ACTR1B: variants seen among roughly 807,000 people sequenced by gnomAD.
ACTR1B encodes the protein actin related protein 1B.
A neutral mutation model predicts 49.4 loss-of-function variants in ACTR1B; 34 were observed. That is an observed-to-expected ratio of 0.69 (90% confidence interval 0.52 to 0.92). ACTR1B has a LOEUF of 0.92. ACTR1B is among the 40% of genes least tolerant of loss of function. The pLI is 0.00. For synonymous variants in ACTR1B, 207 were observed against 207.8 expected (o/e 1.00, Z 0.03); for missense variants, 471 against 522.4 (o/e 0.90, Z 0.96).
In ACTR1B at chr2:97,659,238, A is replaced by G; in HGVS notation, c.315+114T>C. 6.5e-7 allele frequency: 1 copy of G among 1,532,406 alleles called. No homozygotes were observed. Among genetic ancestry groups the G allele is most frequent in the Non-Finnish European group, 8.9e-7 (1 of 1,128,058 alleles). The allele number at this position is 1,532,406 out of a possible 1,614,324, so 94.9% of individuals were successfully genotyped here. A position where few individuals can be genotyped will look rare whatever the true frequency, so the allele number is the denominator to read the frequency against. ...CGCACCCAGACACACACGGAAAGGC[A>G]GCAGGCCCTCTAGAAATGTAGAAGG... On this transcript the variant is annotated intron_variant, in intron 4 of 10. Transcript: ENST00000289228. The surrounding 1 kb of genome is among the most constrained non-coding windows in gnomAD (Gnocchi z 4.0).
intron 2 of ACTR1B, 149 bp from the exon 3 acceptor site, chr2:97,660,795 C>T (rs1312250681): frequency 1.2e-5 from 9 of 744,026 alleles, no homozygotes; most frequent in Admixed American, 2.2e-5. Flanking sequence ...GAACTGGGGC[C>T]TATGGGGTTC....
chr2:97,663,938 C>G lies in ACTR1B; in HGVS notation c.-48G>C, dbSNP rs1468822031. On this transcript the variant is annotated 5_prime_UTR_variant, in exon 1 of 11. Coordinates refer to ENST00000289228, the MANE Select transcript of ACTR1B (RefSeq NM_005735.4). ...CCAGCAGGCGGGCTGCAGGAGGCAC[C>G]GGATGGGCGGGCGGGCGGGAGGACC... 1.3e-5 allele frequency: 3 copies of G among 226,904 alleles called. No homozygotes were observed. The highest frequency in any genetic ancestry group is 7.7e-5 in the African/African-American group (3 of 39,170). 14.1% of individuals were successfully genotyped at this position (226,904 alleles called of 1,614,324 possible).
Position 97,656,450 on chromosome 2 carries a change from G to A in ACTR1B, c.*408C>T. On this transcript the variant is annotated 3_prime_UTR_variant, in exon 11 of 11. Coordinates refer to ENST00000289228, the MANE Select transcript of ACTR1B (RefSeq NM_005735.4). ...AACAGGAGGTGGCAATGGATGCAGTGACACACCAGTGGGAGCTGCTGGCTG... is the reference window on the plus strand; with the variant it reads ...AACAGGAGGTGGCAATGGATGCAGTAACACACCAGTGGGAGCTGCTGGCTG... 4 of 241,840 alleles carry A rather than the reference G, an allele frequency of 1.7e-5. No individual in the cohort carries two copies. Among genetic ancestry groups the A allele is most frequent in the Non-Finnish European group, 3.3e-5 (4 of 120,818 alleles). 15.0% of individuals were successfully genotyped at this position (241,840 alleles called of 1,614,324 possible). A position where few individuals can be genotyped will look rare whatever the true frequency, so the allele number is the denominator to read the frequency against.
chr2:97,659,172 C>G lies in ACTR1B; in HGVS notation c.316-169G>C, dbSNP rs1674944549. ...CAGTTACTCTTCCGGAGATCCGGCT[C>G]TCTTTGGAAGATTCTGCCTAGCAGC... On this transcript the variant is annotated intron_variant, in intron 4 of 10. Transcript: ENST00000289228. This position sits in a 1 kb window ranked among gnomAD's most constrained non-coding sequence, Gnocchi z 4.0. Among the ~76,000 whole-genome samples the G allele has an allele frequency of 2.0e-5, 3 of 152,200 alleles. No homozygotes were observed. The highest frequency in any genetic ancestry group is 7.2e-5 in the African/African-American group (3 of 41,444).
At chr2:97,663,755 GC>G in intron 1 of ACTR1B, 87 bp downstream of exon 1, 1 of 846,784 alleles carries the variant, frequency 1.2e-6, no homozygotes, top group Non-Finnish European at 1.5e-6. Context: ...CGGAGGACGC[GC>G]CGAGGCGGGC....
In ACTR1B at chr2:97,658,296, G is replaced by A. The variant is rs1674912268; in HGVS notation, c.678C>T (p.Ile226=). 6.2e-7 allele frequency: 1 copy of A among 1,614,202 alleles called. No homozygotes were observed. Among genetic ancestry groups the A allele is most frequent in the Non-Finnish European group, 8.5e-7 (1 of 1,180,038 alleles). Residue 226 remains isoleucine, a synonymous_variant, in exon 7 of 11, where the codon ATC becomes ATT. Transcript: ENST00000289228. The surrounding 1 kb of genome is among the most constrained non-coding windows in gnomAD (Gnocchi z 5.9). ...CCAGAGCCTCATCCTTCTGTGGGTT[G>A]ATGGACAGGTAGCACGCTCGCTGCG... ...TIKERACYLS[I]NPQKDEALET...
intron 2 of ACTR1B, 67 bp from the exon 3 acceptor site, chr2:97,660,713 G>A (rs1366564281): frequency 3.3e-6 from 5 of 1,500,938 alleles, no homozygotes; most frequent in South Asian, 1.1e-5. Context: ...CAGAAAAACC[G>A]AAATCCAACC....
rs1674851711 is a variant in ACTR1B, at chr2:97,656,722, C to T, written c.*136G>A. 1.4e-6 allele frequency: 1 copy of T among 694,588 alleles called. No homozygotes were observed. The highest frequency in any genetic ancestry group is 2.2e-5 in the Admixed American group (1 of 45,246). 43.0% of individuals were successfully genotyped at this position (694,588 alleles called of 1,614,324 possible). ...TAGAGGGGAAGGCTGCAGGGGGGCA[C>T]TGCTGTGCCACCCACCCAGGGGTTC... On this transcript the variant is annotated 3_prime_UTR_variant, in exon 11 of 11. Coordinates refer to ENST00000289228, the MANE Select transcript of ACTR1B (RefSeq NM_005735.4).
intron 2 of ACTR1B, 65 bp from the exon 3 acceptor site, chr2:97,660,711 C>A (rs2104504827): frequency 1.3e-6 from 2 of 1,523,546 alleles, no homozygotes; most frequent in Non-Finnish European, 1.8e-6. Flanking sequence ...TCCAGAAAAA[C>A]CGAAATCCAA....
At position 97,657,817 on chromosome 2, in the gene ACTR1B, A is replaced by T. The variant is rs569827247; in HGVS notation, c.925+126T>A. On this transcript the variant is annotated intron_variant, in intron 8 of 10. Coordinates refer to ENST00000289228, the MANE Select transcript of ACTR1B (RefSeq NM_005735.4). ...ATTTAATTTTAAATTTTGGTCTGTT[A>T]AAAAAAATGTTCATTGAGCACCACC... 5.1e-5 allele frequency: 59 copies of T among 1,157,056 alleles called. 1 individual carries two copies. In the South Asian group the frequency reaches 8.5e-4, roughly 17 times the overall value. 71.7% of individuals were successfully genotyped at this position (1,157,056 alleles called of 1,614,324 possible).
chr2:97,660,006 T>C, intron 3 of ACTR1B: 1 of 184,226 alleles, frequency 5.4e-6, no homozygotes. Context: ...ACTTAGCTCC[T>C]CTCACCACCT....
chr2:97,661,289 C>T (rs1422139258), intron 2 of ACTR1B, among the ~76,000 whole-genome samples: 1 of 152,232 alleles, frequency 6.6e-6, no homozygotes, highest in Non-Finnish European at 1.5e-5. Context: ...CCCTGCTGCC[C>T]GCTGCCTTTA....
At chr2:97,660,738 G>C in intron 2 of ACTR1B, 92 bp from the exon 3 acceptor site, 1 of 1,294,144 alleles carries the variant, frequency 7.7e-7, no homozygotes, top group Admixed American at 1.7e-5. Context: ...TCGCCCAGAG[G>C]GTACCTGGCC....
In ACTR1B at chr2:97,659,651, C is replaced by G. The variant is rs1376705579; in HGVS notation, c.190-174G>C. 3.4e-6 allele frequency: 3 copies of G among 869,732 alleles called. No homozygotes were observed. Among genetic ancestry groups the G allele is most frequent in the Admixed American group, 2.6e-5 (1 of 37,868 alleles). 53.9% of individuals were successfully genotyped at this position (869,732 alleles called of 1,614,324 possible). On this transcript the variant is annotated intron_variant, in intron 3 of 10. Coordinates refer to ENST00000289228, the MANE Select transcript of ACTR1B (RefSeq NM_005735.4). This position sits in a 1 kb window ranked among gnomAD's most constrained non-coding sequence, Gnocchi z 4.0. ...TGGCGGGTCCTGAACTCAGCATGGG[C>G]TCACCTGCCCACCAGCTTCTTAGGC...
chr2:97,659,776 A>C lies in ACTR1B; in HGVS notation c.190-299T>G. 4.4e-6 allele frequency: 2 copies of C among 459,672 alleles called. No individual in the cohort carries two copies. Among genetic ancestry groups the C allele is most frequent in the South Asian group, 5.0e-5 (2 of 40,130 alleles). The allele number at this position is 459,672 out of a possible 1,614,324, so 28.5% of individuals were successfully genotyped here. On this transcript the variant is annotated intron_variant, in intron 3 of 10. Transcript: ENST00000289228. The surrounding 1 kb of genome is among the most constrained non-coding windows in gnomAD (Gnocchi z 4.0). The stretch of plus-strand genomic sequence containing the variant: ...TCTTCCCCATTCTCACTGCCGGCAC[A>C]TCCCCCACATTCTCCTCACACTCTG...
chr2:97,660,025 A>G (rs1674969207), intron 3 of ACTR1B: 1 of 179,852 alleles, frequency 5.6e-6, no homozygotes, highest in African/African-American at 2.4e-5. Context: ...CTCGGCTCCT[A>G]CGGACCCCAT....
Position 97,663,943 on chromosome 2 carries a change from G to T in ACTR1B, c.-53C>A. 3 of 983,494 alleles carry T rather than the reference G, an allele frequency of 3.1e-6. No homozygotes were observed. Among genetic ancestry groups the T allele is most frequent in the South Asian group, 6.7e-5 (2 of 29,798 alleles). 60.9% of individuals were successfully genotyped at this position (983,494 alleles called of 1,614,324 possible). On this transcript the variant is annotated 5_prime_UTR_variant, in exon 1 of 11. Transcript: ENST00000289228. ...AGGCGGGCTGCAGGAGGCACCGGAT[G>T]GGCGGGCGGGCGGGAGGACCGGGAC...
At position 97,656,822 on chromosome 2, in the gene ACTR1B, T is replaced by C; in HGVS notation, c.*36A>G. 2 of 1,498,512 alleles carry C rather than the reference T, an allele frequency of 1.3e-6. No individual in the cohort carries two copies. The highest frequency in any genetic ancestry group is 2.4e-5 in the East Asian group (1 of 41,864). The allele number at this position is 1,498,512 out of a possible 1,614,324, so 92.8% of individuals were successfully genotyped here. On this transcript the variant is annotated 3_prime_UTR_variant, in exon 11 of 11. Coordinates refer to ENST00000289228, the MANE Select transcript of ACTR1B (RefSeq NM_005735.4). ...GGTTAAAGGCTCTGTCTCCCCTCCCTCCCCCTCTCCCAACATGCCCCGCCC... is the reference window on the plus strand; with the variant it reads ...GGTTAAAGGCTCTGTCTCCCCTCCCCCCCCCTCTCCCAACATGCCCCGCCC...
At chr2:97,660,794 C>T in intron 2 of ACTR1B, 148 bp from the exon 3 acceptor site, 2 of 751,722 alleles carry the variant, frequency 2.7e-6, no homozygotes, top group Non-Finnish European at 4.5e-6. Context: ...GGAACTGGGG[C>T]CTATGGGGTT....
Sources: gnomAD v4.1 joint callset for allele counts (sites outside exome capture counted in the v4.1 genomes callset) on GRCh38, gnomAD v4.1.1 for gene constraint, Gnocchi (gnomAD v3.1) non-coding constraint, MANE v1.5 for transcripts, NCBI Gene and HGNC (gene_info 2026-07-23, HGNC 2026-07-21) for gene names.